Variants in TAOK1 observed in about 807,000 individuals in gnomAD.
TAOK1 encodes TAO kinase 1, also known as serine/threonine-protein kinase TAO1.
Under a neutral mutation model 138.3 loss-of-function variants are expected in TAOK1, and 21 were observed. The observed-to-expected ratio is 0.15, with a 90% confidence interval of 0.11 to 0.22. The LOEUF is 0.22. TAOK1 is among the 10% of genes least tolerant of loss of function. The pLI is 1.00. For synonymous variants in TAOK1, 361 were observed against 398.4 expected (o/e 0.91, Z 1.12); for missense variants, 651 against 1,227.7 (o/e 0.53, Z 7.02).
intron 1 of TAOK1, among the ~76,000 whole-genome samples, chr17:29,433,625 G>T (rs1336009749): frequency 6.6e-6 from 1 of 151,880 alleles, no homozygotes; most frequent in Non-Finnish European, 1.5e-5. Context: ...GGGGAAATAG[G>T]GATACTCCAC....
Position 29,525,783 on chromosome 17 carries a change from T to A in TAOK1, c.2148+3264T>A, listed in dbSNP as rs2031999477. 1.3e-5 allele frequency among the ~76,000 whole-genome samples: 2 copies of A among 152,184 alleles called. 1 individual carries two copies. The highest frequency in any genetic ancestry group is 4.1e-4 in the South Asian group (2 of 4,826). On this transcript the variant is annotated intron_variant, in intron 17 of 19. Transcript: ENST00000261716. ...CACTTTGGAAGGCCGAGGCAGGGGA[T>A]CATGAGGTCAAGAGACCATCCTGGC...
At chr17:29,450,825 A>G (rs1056312930) in intron 1 of TAOK1, among the ~76,000 whole-genome samples, 34 of 152,196 alleles carry the variant, frequency 2.2e-4, no homozygotes, top group African/African-American at 7.7e-4. Context: ...TATGACAGCC[A>G]GTATTAAAAC....
intron 1 of TAOK1, among the ~76,000 whole-genome samples, chr17:29,419,818 G>C (rs569352320): frequency 6.6e-6 from 1 of 151,928 alleles, no homozygotes; most frequent in Non-Finnish European, 1.5e-5. Context: ...TATTGAAAAT[G>C]TTATCTCCCC....
chr17:29,528,546 A>G (rs909646054), intron 17 of TAOK1, among the ~76,000 whole-genome samples: 1 of 152,126 alleles, frequency 6.6e-6, no homozygotes, highest in Non-Finnish European at 1.5e-5. Context: ...AGTGTCATGA[A>G]AAGAAATTGG....
chr17:29,437,322 A>G (rs1391764557), intron 1 of TAOK1, among the ~76,000 whole-genome samples: 1 of 151,886 alleles, frequency 6.6e-6, no homozygotes, highest in Non-Finnish European at 1.5e-5. Flanking sequence ...TTGGCCTCCA[A>G]AAGCACTGGG....
At chr17:29,479,904 G>A (rs1359224804) in intron 6 of TAOK1, among the ~76,000 whole-genome samples, 2 of 151,914 alleles carry the variant, frequency 1.3e-5, no homozygotes, top group Admixed American at 6.6e-5. Flanking sequence ...GAAATGATAC[G>A]AATACATCTT....
At chr17:29,428,636 T>C (rs1448099550) in intron 1 of TAOK1, among the ~76,000 whole-genome samples, 8 of 152,048 alleles carry the variant, frequency 5.3e-5, no homozygotes, top group Admixed American at 5.3e-4. Flanking sequence ...GAGAGTTATA[T>C]ATATATTTTT....
At chr17:29,511,495 C>G (rs1567739649) in intron 15 of TAOK1, 1 of 152,404 alleles carries the variant, frequency 6.6e-6, no homozygotes, top group Non-Finnish European at 1.5e-5. Context: ...CTCGGCCTCC[C>G]AAAGTGCTAG....
Position 29,526,065 on chromosome 17 carries a change from C to T in TAOK1, c.2148+3546C>T, listed in dbSNP as rs573174786. Among the ~76,000 whole-genome samples, 5 of 152,022 alleles carry T rather than the reference C, an allele frequency of 3.3e-5. No homozygotes were observed. In the East Asian group the frequency reaches 9.7e-4, roughly 29 times the overall value. On this transcript the variant is annotated intron_variant, in intron 17 of 19. Coordinates refer to ENST00000261716, the MANE Select transcript of TAOK1 (RefSeq NM_020791.4). ...TCCCAGTACTTTGGGAGGCTGAGGTCGGGAGTTCGAGACCAGCCTGACCAA... is the reference window on the plus strand; with the variant it reads ...TCCCAGTACTTTGGGAGGCTGAGGTTGGGAGTTCGAGACCAGCCTGACCAA...
chr17:29,399,409 C>T (rs1279008120), intron 1 of TAOK1, among the ~76,000 whole-genome samples: 1 of 151,986 alleles, frequency 6.6e-6, no homozygotes, highest in African/African-American at 2.4e-5. Context: ...TCTGCCTGCC[C>T]TGTTCATGCC....
chr17:29,436,803 C>T (rs529926018), intron 1 of TAOK1, among the ~76,000 whole-genome samples: 85 of 152,166 alleles, frequency 5.6e-4, no homozygotes, highest in Non-Finnish European at 1.0e-3. Flanking sequence ...ACCATTTTGG[C>T]AATTCCGTGT....
At chr17:29,489,233 C>T (rs147871186) in intron 8 of TAOK1, among the ~76,000 whole-genome samples, 4 of 152,186 alleles carry the variant, frequency 2.6e-5, no homozygotes, top group African/African-American at 9.7e-5. Flanking sequence ...TGCAGTGGCT[C>T]ACACCTGTAA....
At chr17:29,465,837 C>CTTT (rs3058623) in intron 2 of TAOK1, among the ~76,000 whole-genome samples, 644 of 45,160 alleles carry the variant, frequency 0.014, 162 homozygotes, top group East Asian at 0.057. Context: ...AGTTTCTGTG[C>CTTT]TTTTTTTTTT....
chr17:29,464,425 C>A, intron 2 of TAOK1, among the ~76,000 whole-genome samples: 1 of 143,394 alleles, frequency 7.0e-6, no homozygotes, highest in African/African-American at 2.6e-5. Context: ...GCCTGGACTA[C>A]TAAGCGAGAC....
At chr17:29,462,656 G>T (rs560946025) in intron 2 of TAOK1, among the ~76,000 whole-genome samples, 1 of 152,096 alleles carries the variant, frequency 6.6e-6, no homozygotes, top group Non-Finnish European at 1.5e-5. Context: ...AAATTGTTTG[G>T]TGTTGTTCAC....
At position 29,544,508 on chromosome 17, in the gene TAOK1, A is replaced by T. The variant is rs192369727; in HGVS notation, c.*1486A>T. On this transcript the variant is annotated 3_prime_UTR_variant, in exon 20 of 20. Transcript: ENST00000261716. ...TTAAAAAAAAAAAGTAAAATAAGTT[A>T]TAGTGGTCAGGGAATCTCTTGACGA... 1 of 152,366 alleles carries T rather than the reference A, an allele frequency of 6.6e-6. No homozygotes were observed. Among genetic ancestry groups the T allele is most frequent in the Non-Finnish European group, 1.5e-5 (1 of 68,022 alleles). The allele number at this position is 152,366 out of a possible 1,614,324, so 9.4% of individuals were successfully genotyped here.
intron 13 of TAOK1, among the ~76,000 whole-genome samples, chr17:29,505,594 C>T (rs1297570530): frequency 1.3e-5 from 2 of 151,646 alleles, no homozygotes; most frequent in East Asian, 1.9e-4. Context: ...CCCAGCTCCT[C>T]GGGAGGTTGA....
chr17:29,478,295 C>T lies in TAOK1; in HGVS notation c.397C>T (p.His133Tyr). ...AGAAGTGGAAATAGCAGCAATTACACATGGTGCTCTTCAGGGATTAGCCTA... is the reference window on the plus strand; with the variant it reads ...AGAAGTGGAAATAGCAGCAATTACATATGGTGCTCTTCAGGGATTAGCCTA... ...LQEVEIAAIT[H>Y]GALQGLAYLH... The change falls in exon 6 of 20, where the codon CAT (histidine) becomes TAT (tyrosine). Residue 133 changes from histidine (H) to tyrosine (Y), a missense_variant. Physicochemically the swap from His to Tyr is moderately conservative, Grantham distance 83. This residue lies in a region of TAOK1 where 116 missense variants were observed against 213.9 expected (regional missense o/e 0.54). Transcript: ENST00000261716. 2 of 1,603,116 alleles carry T rather than the reference C, an allele frequency of 1.2e-6. No homozygotes were observed. The highest frequency in any genetic ancestry group is 1.7e-6 in the Non-Finnish European group (2 of 1,175,924).
intron 16 of TAOK1, among the ~76,000 whole-genome samples, chr17:29,519,144 C>T (rs1255208950): frequency 2.0e-5 from 3 of 152,108 alleles, no homozygotes; most frequent in Non-Finnish European, 1.5e-5. Flanking sequence ...GTGTGTGCTG[C>T]CCTTAAATAC....
Sources: gnomAD v4.1 joint callset for allele counts (sites outside exome capture counted in the v4.1 genomes callset) on GRCh38, gnomAD v4.1.1 for gene constraint, gnomAD v4.1.1 regional missense constraint, MANE v1.5 for transcripts, NCBI Gene and HGNC (gene_info 2026-07-23, HGNC 2026-07-21) for gene names.